The following CCDC171 variants were observed in gnomAD, a reference collection of about 807,000 sequenced individuals.
The protein encoded by CCDC171 is coiled-coil domain containing 171.
In CCDC171, 177 loss-of-function variants were observed where a neutral mutation model predicts 168.2. The ratio of observed to expected loss-of-function variants is 1.05; its 90% CI spans 0.93 to 1.19. The LOEUF is 1.19. Ranked by LOEUF, CCDC171 falls within the 50% of genes most tolerant of loss-of-function variation. The pLI, the probability that CCDC171 is intolerant of heterozygous loss-of-function variation, is 0.00. For missense variants in CCDC171, 1,991 were observed against 1,539.0 expected (o/e 1.29, Z -4.91); for synonymous variants, 687 against 540.8 (o/e 1.27, Z -3.75).
chr9:15,831,633 A>T (rs1054716483), intron 21 of CCDC171, among the ~76,000 whole-genome samples: 2 of 152,182 alleles, frequency 1.3e-5, no homozygotes, highest in African/African-American at 4.8e-5. Flanking sequence ...AAGCACATGT[A>T]CCCGCATACC....
chr9:15,826,614 G>C (rs1214437958), intron 21 of CCDC171, among the ~76,000 whole-genome samples: 1 of 152,128 alleles, frequency 6.6e-6, no homozygotes, highest in Admixed American at 6.6e-5. Flanking sequence ...TCGTGAACTA[G>C]GGATAATATG....
rs117688461 is a variant in CCDC171, at chr9:15,781,184, T to C, written c.3081+2034T>C. ...CTACACAATTTGATTTCCTAGTCCA[T>C]AGTTAAGTATTAAGAAAACAAGTTT... On this transcript the variant is annotated intron_variant, in intron 20 of 25. Transcript: ENST00000380701. Among the ~76,000 whole-genome samples, 20 of 152,320 alleles carry C rather than the reference T, an allele frequency of 1.3e-4. No homozygotes were observed. The East Asian group carries it at 3.9e-3, about 29-fold the overall frequency.
At chr9:15,918,748 G>C (rs1185749496) in intron 24 of CCDC171, among the ~76,000 whole-genome samples, 1 of 151,464 alleles carries the variant, frequency 6.6e-6, no homozygotes, top group Non-Finnish European at 1.5e-5. Flanking sequence ...CTATAGTTAT[G>C]CTTCTGCTTT....
chr9:15,683,020 T>C (rs1376896299), intron 10 of CCDC171, among the ~76,000 whole-genome samples: 2 of 151,970 alleles, frequency 1.3e-5, no homozygotes, highest in South Asian at 4.1e-4. Flanking sequence ...CATTTTCAAA[T>C]TGGTATTATT....
At chr9:15,584,873 C>A (rs975789057) in intron 4 of CCDC171, among the ~76,000 whole-genome samples, 10 of 152,154 alleles carry the variant, frequency 6.6e-5, no homozygotes, top group Non-Finnish European at 1.3e-4. Flanking sequence ...TCATGACTTT[C>A]ATTTAACCAT....
At chr9:15,846,137 C>G (rs1408154166) in intron 21 of CCDC171, among the ~76,000 whole-genome samples, 1 of 151,974 alleles carries the variant, frequency 6.6e-6, no homozygotes, top group African/African-American at 2.4e-5. Flanking sequence ...TACTGGGAAG[C>G]AAGTAGATTT....
intron 25 of CCDC171, among the ~76,000 whole-genome samples, chr9:15,942,683 G>A (rs1827864943): frequency 6.6e-6 from 1 of 151,886 alleles, no homozygotes; most frequent in Admixed American, 6.6e-5. Flanking sequence ...GGTAAAGAGA[G>A]TGCTTTGGGA....
chr9:15,596,340 T>C (rs1160604994), intron 6 of CCDC171, among the ~76,000 whole-genome samples: 1 of 151,760 alleles, frequency 6.6e-6, no homozygotes. Flanking sequence ...AAGGAAGGGA[T>C]CCAGTTTCAG....
downstream of CCDC171, chr9:16,061,494 A>G (rs1167972394): frequency 2.0e-5 from 3 of 152,012 alleles, no homozygotes; most frequent in African/African-American, 4.8e-5. Flanking sequence ...TTTTTTATTT[A>G]TATATTCTAT....
intron 23 of CCDC171, among the ~76,000 whole-genome samples, chr9:15,857,468 G>T (rs544541770): frequency 6.6e-6 from 1 of 151,916 alleles, no homozygotes; most frequent in South Asian, 2.1e-4. Context: ...TGTCGCTAAG[G>T]CTGGAGTACA....
chr9:15,773,213 G>C (rs1462645095), intron 18 of CCDC171, among the ~76,000 whole-genome samples: 1 of 152,110 alleles, frequency 6.6e-6, no homozygotes, highest in Non-Finnish European at 1.5e-5. Flanking sequence ...TTTATGTAAT[G>C]TTTTCAAGGG....
chr9:15,744,515 G>T lies in CCDC171; in HGVS notation c.2292G>T (p.Leu764Phe), dbSNP rs780240574. The T allele has an allele frequency of 3.3e-5, 53 of 1,614,174 alleles. 1 individual carries two copies. The South Asian group carries it at 5.7e-4, about 17-fold the overall frequency. Reference sequence around the variant, plus strand: ...AGGAGCAGGTCAACACCTTTGAGTTGTTCAAACTGGAAATTAGAACTCTAG... The same window carrying T: ...AGGAGCAGGTCAACACCTTTGAGTTTTTCAAACTGGAAATTAGAACTCTAG... ...FLQEQVNTFE[L>F]FKLEIRTLAQ... The change falls in exon 17 of 26, where the codon TTG (leucine) becomes TTT (phenylalanine). Residue 764 changes from leucine (L) to phenylalanine (F), a missense_variant. Leu to Phe is a conservative substitution (Grantham distance 22). Transcript: ENST00000380701.
intron 3 of CCDC171, among the ~76,000 whole-genome samples, chr9:15,992,032 C>G (rs554953082): frequency 3.9e-5 from 6 of 152,166 alleles, no homozygotes; most frequent in Admixed American, 3.9e-4. Context: ...CCTTCTGAAA[C>G]TATTTCAATC....
At chr9:16,011,466 A>G (rs529836809) in intron 3 of CCDC171, among the ~76,000 whole-genome samples, 1 of 152,210 alleles carries the variant, frequency 6.6e-6, no homozygotes, top group Admixed American at 6.5e-5. Context: ...ATCCATATAA[A>G]CTTATTATTC....
At chr9:15,667,502 C>T (rs1456459839) in intron 9 of CCDC171, among the ~76,000 whole-genome samples, 1 of 152,036 alleles carries the variant, frequency 6.6e-6, no homozygotes, top group Non-Finnish European at 1.5e-5. Flanking sequence ...AAAAATTAGC[C>T]AGGTGTGGTG....
the CCDC171 span, among the ~76,000 whole-genome samples, chr9:16,077,026 C>G: frequency 9.2e-5 from 14 of 152,052 alleles, no homozygotes; most frequent in African/African-American, 2.7e-4. Flanking sequence ...GGAACTCAAC[C>G]AACAATAATG....
At chr9:15,702,320 T>C (rs993703489) in intron 11 of CCDC171, among the ~76,000 whole-genome samples, 1 of 152,264 alleles carries the variant, frequency 6.6e-6, no homozygotes, top group African/African-American at 2.4e-5. Context: ...CAACTCTGCC[T>C]GTGCCCTGGT....
intron 16 of CCDC171, among the ~76,000 whole-genome samples, chr9:15,739,470 C>T (rs1483252558): frequency 6.6e-6 from 1 of 152,080 alleles, no homozygotes. Context: ...TAGATAAACC[C>T]AGCTGAAGGA....
At chr9:15,829,273 A>G (rs2060136472) in intron 21 of CCDC171, among the ~76,000 whole-genome samples, 1 of 152,192 alleles carries the variant, frequency 6.6e-6, no homozygotes, top group Non-Finnish European at 1.5e-5. Flanking sequence ...AAGGGAAAGT[A>G]GTAGATATAG....
Sources: gnomAD v4.1 joint callset for allele counts (sites outside exome capture counted in the v4.1 genomes callset) on GRCh38, gnomAD v4.1.1 for gene constraint, MANE v1.5 for transcripts, NCBI Gene and HGNC (gene_info 2026-07-23, HGNC 2026-07-21) for gene names.